The following MTCL1 variants were observed in gnomAD, a reference collection of about 807,000 sequenced individuals.
The protein encoded by MTCL1 is microtubule crosslinking factor 1.
Under a neutral mutation model 141.4 loss-of-function variants are expected in MTCL1, and 79 were observed. The ratio of observed to expected loss-of-function variants is 0.56; its 90% CI spans 0.47 to 0.67. MTCL1 has a LOEUF of 0.67. MTCL1 is among the 30% of genes least tolerant of loss of function. The pLI is 0.00. For missense variants in MTCL1, 2,177 were observed against 2,113.9 expected (o/e 1.03, Z -0.59); for synonymous variants, 914 against 875.8 (o/e 1.04, Z -0.77).
chr18:8,787,942 A>G (rs2143675449), intron 7 of MTCL1, among the ~76,000 whole-genome samples: 1 of 152,152 alleles, frequency 6.6e-6, no homozygotes, highest in East Asian at 1.9e-4. Flanking sequence ...TGTGAATGTC[A>G]CTCTGACAGC....
Position 8,822,973 on chromosome 18 carries a change from G to A in MTCL1, c.3188+1475G>A, listed in dbSNP as rs1701892. Among the ~76,000 whole-genome samples the A allele has an allele frequency of 1.3e-5, 2 of 151,828 alleles. No homozygotes were observed. The highest frequency in any genetic ancestry group is 2.1e-4 in the South Asian group (1 of 4,800). ...CGGGAGGCGGAGGTTGCAGTGAACC[G>A]AGATTGCGCCACTGCACTACATCCT... is the stretch of plus-strand genomic sequence containing the variant. On this transcript the variant is annotated intron_variant, in intron 14 of 16. Transcript: ENST00000359865. The surrounding 1 kb of genome is among the most constrained non-coding windows in gnomAD (Gnocchi z 4.6).
upstream of MTCL1, among the ~76,000 whole-genome samples, chr18:8,716,129 A>G (rs567792419): frequency 6.6e-6 from 1 of 152,378 alleles, no homozygotes; most frequent in South Asian, 2.1e-4. Context: ...CTTAAGACAC[A>G]TTAGGACATC....
In MTCL1 at chr18:8,707,429, C is replaced by CT. The variant is rs890543947; in HGVS notation, c.1053+717dup. 3.3e-5 allele frequency: 5 copies of CT among 152,708 alleles called. No individual in the cohort carries two copies. The South Asian group carries it at 6.2e-4, about 19-fold the overall frequency. 9.5% of individuals were successfully genotyped at this position (152,708 alleles called of 1,614,324 possible). On this transcript the variant is annotated intron_variant, in intron 1 of 13. Coordinates refer to the MTCL1 transcript ENST00000306329. ...GGAATCGCGGCGCCTGCTGCACTCT[C>CT]TGAGTATTTTCCGGCAGGGCCTGCG...
At chr18:8,766,155 T>G (rs1262358441) in intron 4 of MTCL1, among the ~76,000 whole-genome samples, 1 of 152,216 alleles carries the variant, frequency 6.6e-6, no homozygotes, top group South Asian at 2.1e-4. Flanking sequence ...GAGATTGATG[T>G]GTTTTAAAAG....
intron 10 of MTCL1, among the ~76,000 whole-genome samples, chr18:8,798,886 TA>T (rs1366547732): frequency 1.3e-5 from 2 of 152,234 alleles, no homozygotes; most frequent in African/African-American, 4.8e-5. Context: ...CTTGCATTTT[TA>T]TACCAAAATG....
In MTCL1 at chr18:8,760,026, G is replaced by A. The variant is rs140980220; in HGVS notation, c.358-17807G>A. Among the ~76,000 whole-genome samples, 146 of 152,270 alleles carry A rather than the reference G, an allele frequency of 9.6e-4. 3 individuals carry two copies. In the East Asian group the frequency reaches 0.012, roughly 12 times the overall value. On this transcript the variant is annotated intron_variant, in intron 4 of 16. Transcript: ENST00000359865. ...AAGCGACTCCAGCTGTATGAGAAGC[G>A]CTTAGACCCCTATTTGCCCCCTTTG...
exon 6 of MTCL1, chr18:8,783,682 C>G: frequency 6.2e-7 from 1 of 1,611,016 alleles, no homozygotes; most frequent in South Asian, 1.1e-5. Context: ...TGGACAGTCC[C>G]CTGCCCACGG....
chr18:8,708,633 G>A (rs981479855), intron 1 of MTCL1, among the ~76,000 whole-genome samples: 14 of 152,188 alleles, frequency 9.2e-5, no homozygotes, highest in Admixed American at 3.9e-4. Context: ...TTTCCTCCGA[G>A]CACACTGCTT....
intron 4 of MTCL1, among the ~76,000 whole-genome samples, chr18:8,748,572 A>G (rs926076581): frequency 6.6e-6 from 1 of 152,052 alleles, no homozygotes; most frequent in Non-Finnish European, 1.5e-5. Flanking sequence ...ATGTGTATAT[A>G]TATATATGCA....
chr18:8,773,495 C>T (rs1373668883), intron 4 of MTCL1, among the ~76,000 whole-genome samples: 1 of 152,068 alleles, frequency 6.6e-6, no homozygotes, highest in African/African-American at 2.4e-5. Context: ...ATCTTTTTTC[C>T]AGTTTGTCAT....
Position 8,825,525 on chromosome 18 carries a change from G to A in MTCL1, c.4015G>A (p.Val1339Ile), listed in dbSNP as rs1164122119. Residue 1339 changes from valine to isoleucine, a missense_variant, in exon 15 of 17, where the codon GTC (valine) becomes ATC (isoleucine). Physicochemically the swap from Val to Ile is conservative, Grantham distance 29. Coordinates refer to ENST00000359865, the Ensembl canonical transcript of MTCL1. ...GACTGAAGCCCTGCGTGGCAGCGGT[G>A]TCACCAGCAGCCCCCACAAGTGTCT... 6.8e-6 allele frequency: 11 copies of A among 1,612,242 alleles called. No individual in the cohort carries two copies. Among genetic ancestry groups the A allele is most frequent in the Admixed American group, 5.0e-5 (3 of 59,924 alleles).
At position 8,825,178 on chromosome 18, in the gene MTCL1, C is replaced by T. The variant is rs140924221; in HGVS notation, c.3668C>T (p.Pro1223Leu). The T allele has an allele frequency of 1.6e-5, 25 of 1,578,668 alleles. No homozygotes were observed. The highest frequency in any genetic ancestry group is 1.1e-4 in the East Asian group (5 of 44,626). ...CCCACAAGCAGAGCCAGAGGGAGCC[C>T]GGGAGACACCAAGGGAGGCCCTCCA... The change falls in exon 15 of 17, where the codon CCG (proline) becomes CTG (leucine). Residue 1223 changes from proline to leucine, a missense_variant. Pro to Leu is a moderately conservative substitution (Grantham distance 98). Transcript: ENST00000359865.
At chr18:8,811,339 G>A (rs1453891104) in intron 11 of MTCL1, 1 of 152,088 alleles carries the variant, frequency 6.6e-6, no homozygotes, top group Non-Finnish European at 1.5e-5. Flanking sequence ...CCCGCCGCAG[G>A]GCATGAATCT....
At chr18:8,806,994 G>C in exon 11 of MTCL1, 1 of 1,613,898 alleles carries the variant, frequency 6.2e-7, no homozygotes, top group South Asian at 1.1e-5. Context: ...GGCTGCAGCA[G>C]CAATATGCCA....
chr18:8,708,401 A>C (rs2096069194), intron 1 of MTCL1, among the ~76,000 whole-genome samples: 1 of 151,776 alleles, frequency 6.6e-6, no homozygotes, highest in Non-Finnish European at 1.5e-5. Context: ...CTGGAGTCTG[A>C]TACAGTGTAT....
intron 4 of MTCL1, among the ~76,000 whole-genome samples, chr18:8,761,504 C>A (rs2096432377): frequency 6.6e-6 from 1 of 152,218 alleles, no homozygotes; most frequent in Non-Finnish European, 1.5e-5. Flanking sequence ...TCACTCCCCT[C>A]CTGCCCTTCA....
At chr18:8,806,194 C>A (rs16954234) in intron 10 of MTCL1, among the ~76,000 whole-genome samples, 6,523 of 152,138 alleles carry the variant, frequency 0.043, 499 homozygotes, top group African/African-American at 0.15. Flanking sequence ...TAAAGCCTTC[C>A]TGAACAGGTT....
chr18:8,774,061 C>T (rs541660544), intron 4 of MTCL1, among the ~76,000 whole-genome samples: 8 of 152,298 alleles, frequency 5.3e-5, no homozygotes, highest in South Asian at 4.1e-4. Flanking sequence ...TGCTCTACTC[C>T]GCCCTCGCAG....
At chr18:8,813,462 T>A (rs553030349) in intron 12 of MTCL1, among the ~76,000 whole-genome samples, 40 of 146,804 alleles carry the variant, frequency 2.7e-4, no homozygotes, top group Non-Finnish European at 4.9e-4. Context: ...CTCTCCTATG[T>A]GTACATGTGG....
Sources: allele counts gnomAD v4.1 joint callset (sites outside exome capture counted in the v4.1 genomes callset), GRCh38; gene constraint gnomAD v4.1.1; non-coding constraint Gnocchi (gnomAD v3.1); transcripts MANE v1.5; gene names NCBI Gene and HGNC (gene_info 2026-07-23, HGNC 2026-07-21).